Variants in NAV3 observed in about 807,000 individuals in gnomAD.
NAV3 encodes pore membrane and/or filament interacting like protein 1.
NAV3 carries 87 observed loss-of-function variants against 244.7 expected under a neutral mutation model. That is an observed-to-expected ratio of 0.36 (90% CI 0.30 to 0.42). The LOEUF (loss-of-function observed/expected upper bound fraction) is 0.42. NAV3 is among the 20% of genes least tolerant of loss of function. The probability of loss-of-function intolerance (pLI) is 1.00; values close to 1 mark genes in which losing one functional copy is unlikely to be tolerated. For missense variants in NAV3, 2,663 were observed against 2,893.3 expected (o/e 0.92, Z 1.83); for synonymous variants, 1,126 against 1,042.2 (o/e 1.08, Z -1.55).
chr12:77,874,976 T>C (rs991824950), intron 1 of NAV3, among the ~76,000 whole-genome samples: 3 of 152,150 alleles, frequency 2.0e-5, no homozygotes, highest in Admixed American at 6.6e-5. Context: ...CTATATTTCA[T>C]TGTAGGAAGA....
At chr12:77,779,459 T>A (rs988885261) in intron 2 of NAV3, among the ~76,000 whole-genome samples, 1 of 152,214 alleles carries the variant, frequency 6.6e-6, no homozygotes, top group Non-Finnish European at 1.5e-5. Context: ...TAGGCCACCA[T>A]GTTGTACAAC....
chr12:77,714,848 G>A (rs1876289433), intron 2 of NAV3, among the ~76,000 whole-genome samples: 1 of 152,042 alleles, frequency 6.6e-6, no homozygotes, highest in South Asian at 2.1e-4. Flanking sequence ...AAGTACATAA[G>A]TATTATTAAA....
intron 38 of NAV3, among the ~76,000 whole-genome samples, chr12:78,201,916 T>C (rs1467310771): frequency 6.6e-6 from 1 of 151,976 alleles, no homozygotes; most frequent in Non-Finnish European, 1.5e-5. Context: ...CTTTATCTAT[T>C]GAATGGCATG....
At chr12:77,633,611 A>C (rs1426626787) in intron 2 of NAV3, among the ~76,000 whole-genome samples, 2 of 152,150 alleles carry the variant, frequency 1.3e-5, no homozygotes, top group African/African-American at 4.8e-5. Context: ...TAAGGAAAAA[A>C]CAAAACCAAC....
In NAV3 at chr12:78,176,381, A is replaced by G. The variant is rs1223632369; in HGVS notation, c.5104-58A>G. ...GTTTATACAGGTAATATTTTAAAAT[A>G]CTGATCAGCCTTCATTCCCTTGATT... On this transcript the variant is annotated intron_variant, in intron 25 of 39. Coordinates refer to ENST00000397909, the MANE Select transcript of NAV3 (RefSeq NM_001024383.2). 3.2e-6 allele frequency: 5 copies of G among 1,556,224 alleles called. No individual in the cohort carries two copies. The East Asian group carries it at 6.8e-5, about 21-fold the overall frequency.
At chr12:77,833,969 G>GTCCAGCCGC in intron 1 of NAV3, among the ~76,000 whole-genome samples, 1 of 150,910 alleles carries the variant, frequency 6.6e-6, no homozygotes, top group Middle Eastern at 3.4e-3. Flanking sequence ...TCCTTTCGAC[G>GTCCAGCCGC]TCCAGCCGCT....
chr12:78,146,282 C>T (rs930484554), intron 20 of NAV3, 87 bp from the exon 21 acceptor site: 10 of 485,208 alleles, frequency 2.1e-5, no homozygotes, highest in African/African-American at 2.0e-4. Context: ...ATAAAAAGTA[C>T]ATCATGATTA....
At chr12:77,984,703 A>G (rs1870170579) in intron 5 of NAV3, among the ~76,000 whole-genome samples, 1 of 152,186 alleles carries the variant, frequency 6.6e-6, no homozygotes, top group Non-Finnish European at 1.5e-5. Flanking sequence ...GCATTTCAAC[A>G]TATTAATTCA....
chr12:78,071,968 A>C (rs1952793798), intron 12 of NAV3, among the ~76,000 whole-genome samples: 2 of 152,228 alleles, frequency 1.3e-5, no homozygotes, highest in Admixed American at 6.5e-5. Flanking sequence ...GCAGAAATAA[A>C]GATGTTCTTT....
At chr12:78,151,472 A>AC (rs1230325549) in intron 22 of NAV3, among the ~76,000 whole-genome samples, 1 of 152,054 alleles carries the variant, frequency 6.6e-6, no homozygotes, top group East Asian at 1.9e-4. Context: ...GACTATTGAT[A>AC]CGTGCATCAA....
chr12:77,980,267 C>T (rs1016886155), intron 5 of NAV3, among the ~76,000 whole-genome samples: 3 of 152,030 alleles, frequency 2.0e-5, no homozygotes, highest in Non-Finnish European at 2.9e-5. Flanking sequence ...AAACCATAAA[C>T]GTCAGTTCTA....
At chr12:77,715,381 C>T (rs932556423) in intron 2 of NAV3, among the ~76,000 whole-genome samples, 1 of 151,610 alleles carries the variant, frequency 6.6e-6, no homozygotes, top group African/African-American at 2.4e-5. Flanking sequence ...TATTATATCT[C>T]TCTTATTTGC....
Position 78,178,372 on chromosome 12 carries a change from G to A in NAV3, c.5363+687G>A, listed in dbSNP as rs1423176577. ...GATGGGGTTTCACCATGTTGGCCAG[G>A]CTGGTCTCGAACTCCTGACCTCAAG... On this transcript the variant is annotated intron_variant, in intron 28 of 39. Transcript: ENST00000397909. Among the ~76,000 whole-genome samples the A allele has an allele frequency of 2.6e-5, 4 of 151,756 alleles. No individual in the cohort carries two copies. The East Asian group carries it at 7.8e-4, about 30-fold the overall frequency.
At chr12:77,740,689 G>A (rs993251493) in intron 2 of NAV3, among the ~76,000 whole-genome samples, 1 of 152,126 alleles carries the variant, frequency 6.6e-6, no homozygotes, top group Admixed American at 6.6e-5. Context: ...GAAACTTGGA[G>A]CCACTTTCTA....
At chr12:77,789,151 A>G (rs994309015) in intron 2 of NAV3, among the ~76,000 whole-genome samples, 8 of 152,128 alleles carry the variant, frequency 5.3e-5, no homozygotes, top group African/African-American at 1.4e-4. Context: ...TAACTAAACA[A>G]TTTCCCTTAA....
intron 12 of NAV3, among the ~76,000 whole-genome samples, chr12:78,114,749 G>A (rs936979863): frequency 2.0e-5 from 3 of 152,160 alleles, no homozygotes; most frequent in African/African-American, 7.2e-5. Flanking sequence ...ATCAAATTAA[G>A]ATGTAGGGAA....
intron 1 of NAV3, among the ~76,000 whole-genome samples, chr12:77,845,966 C>A (rs1876568055): frequency 6.6e-6 from 1 of 152,078 alleles, no homozygotes. Context: ...TAGTTTAATT[C>A]TTTAAACATT....
chr12:77,702,561 A>C (rs1020964117), intron 2 of NAV3, among the ~76,000 whole-genome samples: 1 of 151,726 alleles, frequency 6.6e-6, no homozygotes, highest in Non-Finnish European at 1.5e-5. Flanking sequence ...AACAGATTTG[A>C]ATTTTTTATT....
At chr12:77,966,444 A>G in intron 4 of NAV3, 143 bp downstream of exon 4, 1 of 661,114 alleles carries the variant, frequency 1.5e-6, no homozygotes, top group Non-Finnish European at 2.6e-6. Context: ...CAACCGAAAC[A>G]TAAACATAAT....
Sources: gnomAD v4.1 joint callset for allele counts (sites outside exome capture counted in the v4.1 genomes callset) on GRCh38, gnomAD v4.1.1 for gene constraint, MANE v1.5 for transcripts, NCBI Gene and HGNC (gene_info 2026-07-23, HGNC 2026-07-21) for gene names.